Variants in SIK3 observed in about 807,000 individuals in gnomAD.
SIK3 encodes the protein SIK family kinase 3, also known as serine/threonine-protein kinase SIK3.
SIK3 carries 28 observed loss-of-function variants against 144.2 expected under a neutral mutation model. That is an observed-to-expected ratio of 0.19 (90% CI 0.14 to 0.27). The LOEUF (loss-of-function observed/expected upper bound fraction) is 0.27, where lower values mean the gene tolerates loss of function less well. SIK3 is among the 10% of genes least tolerant of loss of function. The pLI, the probability that SIK3 is intolerant of heterozygous loss-of-function variation, is 1.00. For synonymous variants in SIK3, 686 were observed against 676.3 expected, an observed-to-expected ratio of 1.01 and a Z score of -0.22; for missense variants, 1,319 against 1,776.0, an observed-to-expected ratio of 0.74 and a Z score of 4.62.
intron 1 of SIK3, among the ~76,000 whole-genome samples, chr11:117,009,913 T>C (rs531366774): frequency 1.3e-5 from 2 of 152,126 alleles, no homozygotes; most frequent in African/African-American, 2.4e-5. Flanking sequence ...CACTTACCAA[T>C]CCCACAAAAC....
At position 117,095,143 on chromosome 11, in the gene SIK3, A is replaced by C. The variant is rs182508729; in HGVS notation, c.273+3000T>G. ...ATGGAGTGCAGTATCCTACTCAATA[A>C]ATGAGGTTTACTTTAGTCTCTTAGT... On this transcript the variant is annotated intron_variant, in intron 1 of 24. Coordinates refer to ENST00000445177, the MANE Select transcript of SIK3 (RefSeq NM_001366686.3). Among the ~76,000 whole-genome samples, 276 of 151,556 alleles carry C rather than the reference A, an allele frequency of 1.8e-3. 3 individuals carry two copies. The highest frequency in any genetic ancestry group is 6.2e-3 in the African/African-American group (254 of 41,252).
chr11:116,905,317 T>A (rs1265167574), intron 4 of SIK3, among the ~76,000 whole-genome samples: 2 of 152,254 alleles, frequency 1.3e-5, no homozygotes, highest in African/African-American at 4.8e-5. Context: ...ATAACATCCA[T>A]GGTATGGACA....
chr11:116,952,128 A>C (rs1274942882), intron 3 of SIK3, among the ~76,000 whole-genome samples: 1 of 152,152 alleles, frequency 6.6e-6, no homozygotes, highest in Non-Finnish European at 1.5e-5. Flanking sequence ...TATGAAATAA[A>C]ATACCTAACA....
At chr11:116,917,922 T>C (rs1023139713) in intron 4 of SIK3, among the ~76,000 whole-genome samples, 1 of 151,078 alleles carries the variant, frequency 6.6e-6, no homozygotes, top group Admixed American at 6.6e-5. Context: ...CCTTAAACCA[T>C]ACGTTGCTTG....
chr11:116,889,732 C>T (rs60109272), intron 6 of SIK3, among the ~76,000 whole-genome samples: 9,333 of 151,938 alleles, frequency 0.061, 947 homozygotes, highest in African/African-American at 0.22. Context: ...CCCATCTCTA[C>T]AAAAAAATAC....
chr11:116,921,494 G>C (rs935622403), intron 4 of SIK3, among the ~76,000 whole-genome samples: 2 of 152,064 alleles, frequency 1.3e-5, no homozygotes, highest in Non-Finnish European at 2.9e-5. Flanking sequence ...CTTAGTTCTA[G>C]ACTTGGTAAC....
intron 1 of SIK3, among the ~76,000 whole-genome samples, chr11:117,023,729 T>G (rs1476165570): frequency 1.3e-5 from 2 of 150,876 alleles, no homozygotes; most frequent in Non-Finnish European, 2.9e-5. Flanking sequence ...CAGGCTGGAG[T>G]GCAGTGGCGC....
At chr11:117,000,188 G>A (rs544236369) in intron 1 of SIK3, among the ~76,000 whole-genome samples, 1 of 152,252 alleles carries the variant, frequency 6.6e-6, no homozygotes, top group African/African-American at 2.4e-5. Context: ...ATATAAAAGG[G>A]GAAAGTACAG....
At chr11:116,975,317 G>A (rs1565517334) in intron 1 of SIK3, among the ~76,000 whole-genome samples, 5 of 150,982 alleles carry the variant, frequency 3.3e-5, no homozygotes, top group Admixed American at 2.6e-4. Context: ...TTTTTGTTCC[G>A]ACTGAAAAAA....
At chr11:116,875,061 G>A in intron 11 of SIK3, 97 bp downstream of exon 11, 1 of 900,006 alleles carries the variant, frequency 1.1e-6, no homozygotes, top group Non-Finnish European at 1.8e-6. Flanking sequence ...CTCCTCTGGG[G>A]ATACAATGTA....
intron 11 of SIK3, 34 bp from the exon 12 acceptor site, chr11:116,874,090 T>C (rs1944117338): frequency 6.2e-7 from 1 of 1,610,490 alleles, no homozygotes; most frequent in Non-Finnish European, 8.5e-7. Flanking sequence ...GAAGTTTAGT[T>C]AACATTCTTA....
chr11:116,977,156 T>C (rs1443811389), intron 1 of SIK3, among the ~76,000 whole-genome samples: 6 of 152,110 alleles, frequency 3.9e-5, no homozygotes, highest in Non-Finnish European at 8.8e-5. Flanking sequence ...AAAGGCTTCA[T>C]TAGAATCAAG....
chr11:116,920,428 C>G (rs1484814662), intron 4 of SIK3, among the ~76,000 whole-genome samples: 2 of 152,176 alleles, frequency 1.3e-5, no homozygotes, highest in Admixed American at 6.5e-5. Flanking sequence ...TTTTGAAGAT[C>G]CTGGCTAAAA....
At chr11:116,882,756 G>T (rs1944611458) in intron 6 of SIK3, among the ~76,000 whole-genome samples, 3 of 152,096 alleles carry the variant, frequency 2.0e-5, no homozygotes, top group African/African-American at 7.2e-5. Flanking sequence ...GTGTTCAAAG[G>T]TAATTCTAAA....
chr11:117,045,448 G>GT (rs1952921126), intron 1 of SIK3, among the ~76,000 whole-genome samples: 1 of 152,142 alleles, frequency 6.6e-6, no homozygotes. Flanking sequence ...AGAGTGAACG[G>GT]TAATTGCTCC....
intron 6 of SIK3, among the ~76,000 whole-genome samples, chr11:116,877,806 G>T (rs1425771487): frequency 6.6e-6 from 1 of 152,146 alleles, no homozygotes; most frequent in Non-Finnish European, 1.5e-5. Context: ...GCTACTGAGG[G>T]TGATGAGAGT....
At chr11:117,005,336 GAAAAAAAAAA>G (rs35279676) in intron 1 of SIK3, among the ~76,000 whole-genome samples, 52 of 55,980 alleles carry the variant, frequency 9.3e-4, no homozygotes, top group Admixed American at 4.7e-3. Context: ...CCCCGTCTCA[GAAAAAAAAAA>G]AAAAAAAAAA....
chr11:116,943,182 G>GAA (rs34406972), intron 3 of SIK3, among the ~76,000 whole-genome samples: 44,846 of 149,212 alleles, frequency 0.3, 8,332 homozygotes, highest in African/African-American at 0.54. Flanking sequence ...ACTTAGAAAT[G>GAA]AAAAAAAAAA....
At chr11:116,848,815 T>C (rs761755819) in intron 22 of SIK3, among the ~76,000 whole-genome samples, 2 of 151,856 alleles carry the variant, frequency 1.3e-5, no homozygotes, top group Non-Finnish European at 1.5e-5. Flanking sequence ...ATACAAAAAT[T>C]AGCCAGGTGT....
Sources: gnomAD v4.1 joint callset for allele counts (sites outside exome capture counted in the v4.1 genomes callset) on GRCh38, gnomAD v4.1.1 for gene constraint, MANE v1.5 for transcripts, NCBI Gene and HGNC (gene_info 2026-07-23, HGNC 2026-07-21) for gene names.